SHTN1: variants seen among roughly 807,000 people sequenced by gnomAD.
The protein encoded by SHTN1 is shootin 1, also known as shootin-1.
In SHTN1, 42 loss-of-function variants were observed where a neutral mutation model predicts 83.1. That is an observed-to-expected ratio of 0.51 (90% CI 0.39 to 0.65). The LOEUF is 0.65. Ranked by LOEUF, SHTN1 falls within the 30% of genes least tolerant of loss-of-function variation. SHTN1 has a pLI of 0.00. For synonymous variants in SHTN1, 224 were observed against 247.7 expected (o/e 0.90, Z 0.90); for missense variants, 622 against 737.8 (o/e 0.84, Z 1.82).
chr10:116,896,143 G>C (rs1847509536), intron 16 of SHTN1, among the ~76,000 whole-genome samples: 1 of 152,026 alleles, frequency 6.6e-6, no homozygotes, highest in Non-Finnish European at 1.5e-5. Flanking sequence ...ACACAGAATG[G>C]AAGTTTCTTG....
intron 16 of SHTN1, chr10:116,901,518 A>G (rs936211939): frequency 2.0e-6 from 2 of 985,356 alleles, no homozygotes; most frequent in Non-Finnish European, 2.4e-6. Flanking sequence ...TTTGTGTAGA[A>G]GAACCTGATT....
intron 2 of SHTN1, among the ~76,000 whole-genome samples, chr10:117,028,666 G>A (rs1279942728): frequency 6.6e-6 from 1 of 152,164 alleles, no homozygotes; most frequent in Non-Finnish European, 1.5e-5. Flanking sequence ...CTTCTTTAGA[G>A]GGCCACTGCT....
chr10:116,975,173 C>A (rs2133472409), intron 2 of SHTN1, among the ~76,000 whole-genome samples: 1 of 152,254 alleles, frequency 6.6e-6, no homozygotes, highest in South Asian at 2.1e-4. Flanking sequence ...GCTGTTTTTA[C>A]ATTTGAAGGC....
intron 1 of SHTN1, among the ~76,000 whole-genome samples, chr10:117,053,117 G>C (rs543015048): frequency 6.7e-6 from 1 of 148,360 alleles, no homozygotes; most frequent in Non-Finnish European, 1.5e-5. Context: ...CTAAATATAA[G>C]AGCCTAAACT....
At chr10:116,993,490 A>G (rs907163426) in intron 1 of SHTN1, among the ~76,000 whole-genome samples, 1 of 152,216 alleles carries the variant, frequency 6.6e-6, no homozygotes, top group Non-Finnish European at 1.5e-5. Context: ...ACTTGGGCAA[A>G]TAAGACTAGT....
chr10:117,058,288 T>C (rs1397467691), intron 1 of SHTN1, among the ~76,000 whole-genome samples: 1 of 152,126 alleles, frequency 6.6e-6, no homozygotes, highest in Non-Finnish European at 1.5e-5. Flanking sequence ...TGGTAAGTCA[T>C]TAAAAGCCAG....
intron 1 of SHTN1, among the ~76,000 whole-genome samples, chr10:116,993,017 C>CTTTTTTTTTTTTTTTTT (rs35364697): frequency 1.6e-5 from 2 of 121,226 alleles, no homozygotes; most frequent in Non-Finnish European, 3.2e-5. Context: ...TCTTTTTTTT[C>CTTTTTTTTTTTTTTTTT]TTTTTTTTTT....
chr10:117,125,243 T>C (rs1853985804), intron 1 of SHTN1, among the ~76,000 whole-genome samples: 1 of 152,180 alleles, frequency 6.6e-6, no homozygotes, highest in South Asian at 2.1e-4. Context: ...GTTGAACTTA[T>C]TTGCCACCCT....
intron 6 of SHTN1, among the ~76,000 whole-genome samples, chr10:116,949,663 A>ATAATT (rs1215846142): frequency 6.6e-6 from 1 of 152,212 alleles, no homozygotes; most frequent in African/African-American, 2.4e-5. Flanking sequence ...TTAAAGTATA[A>ATAATT]TAATTTAAAT....
chr10:117,076,232 G>C (rs543933630), intron 1 of SHTN1, among the ~76,000 whole-genome samples: 1 of 151,360 alleles, frequency 6.6e-6, no homozygotes, highest in African/African-American at 2.4e-5. Flanking sequence ...TATGAAAATG[G>C]ACTGAATTGA....
At chr10:116,909,821 A>C (rs546807206) in intron 14 of SHTN1, among the ~76,000 whole-genome samples, 1 of 152,148 alleles carries the variant, frequency 6.6e-6, no homozygotes, top group Admixed American at 6.5e-5. Flanking sequence ...TCAAAAAATA[A>C]CCCACACTGA....
chr10:116,993,722 C>T (rs1851526557), intron 1 of SHTN1, among the ~76,000 whole-genome samples: 1 of 152,064 alleles, frequency 6.6e-6, no homozygotes, highest in Admixed American at 6.5e-5. Flanking sequence ...TAAACAGATA[C>T]AGCAGGATAA....
chr10:116,903,172 T>TC (rs1847815773), intron 15 of SHTN1, among the ~76,000 whole-genome samples: 1 of 152,208 alleles, frequency 6.6e-6, no homozygotes. Context: ...GTTTCTATCT[T>TC]CCCCATTTAA....
chr10:116,932,649 G>A (rs909580751), intron 9 of SHTN1, among the ~76,000 whole-genome samples: 2 of 152,158 alleles, frequency 1.3e-5, no homozygotes, highest in African/African-American at 4.8e-5. Context: ...ATAATATTCA[G>A]TAGGTTAGGT....
At chr10:116,959,314 G>A (rs766181876) in intron 4 of SHTN1, among the ~76,000 whole-genome samples, 3 of 152,154 alleles carry the variant, frequency 2.0e-5, no homozygotes, top group Non-Finnish European at 4.4e-5. Flanking sequence ...GTGTTGTTAT[G>A]CAAACAATTA....
intron 12 of SHTN1, among the ~76,000 whole-genome samples, 193 bp from the exon 13 acceptor site, chr10:116,915,677 A>G (rs1247964257): frequency 6.6e-6 from 1 of 152,154 alleles, no homozygotes; most frequent in African/African-American, 2.4e-5. Flanking sequence ...TTAGAGAAAA[A>G]ATCTGATCAG....
chr10:116,999,925 A>G (rs2133535930), intron 1 of SHTN1, among the ~76,000 whole-genome samples: 1 of 152,270 alleles, frequency 6.6e-6, no homozygotes, highest in South Asian at 2.1e-4. Flanking sequence ...ATAAATAAAT[A>G]CATAAATAAA....
chr10:117,036,736 T>C (rs1320580202), intron 2 of SHTN1, among the ~76,000 whole-genome samples: 1 of 152,036 alleles, frequency 6.6e-6, no homozygotes, highest in Non-Finnish European at 1.5e-5. Flanking sequence ...GCTACTAGAG[T>C]CAATAATAAT....
At chr10:117,039,011 A>G (rs554082557) in intron 2 of SHTN1, among the ~76,000 whole-genome samples, 1 of 152,304 alleles carries the variant, frequency 6.6e-6, no homozygotes, top group African/African-American at 2.4e-5. Context: ...AAAAGAGTTA[A>G]AAACTTGTAT....
Sources: allele counts gnomAD v4.1 joint callset (sites outside exome capture counted in the v4.1 genomes callset), GRCh38; gene constraint gnomAD v4.1.1; transcripts MANE v1.5; gene names NCBI Gene and HGNC (gene_info 2026-07-23, HGNC 2026-07-21).